The following RFX3 variants were observed in gnomAD, a reference collection of about 807,000 sequenced individuals.
RFX3 encodes the protein regulatory factor X3, also known as transcription factor RFX3.
A neutral mutation model predicts 98.6 loss-of-function variants in RFX3; 14 were observed. The observed-to-expected ratio is 0.14, with a 90% CI of 0.09 to 0.22. The LOEUF is 0.22. Ranked by LOEUF, RFX3 falls within the 10% of genes least tolerant of loss-of-function variation. RFX3 has a pLI of 1.00. For synonymous variants in RFX3, 383 were observed against 328.4 expected (o/e 1.17, Z -1.80); for missense variants, 639 against 926.9 (o/e 0.69, Z 4.03).
chr9:3,302,744 C>G (rs1828814914), intron 4 of RFX3, among the ~76,000 whole-genome samples: 2 of 151,864 alleles, frequency 1.3e-5, no homozygotes, highest in South Asian at 4.2e-4. Flanking sequence ...GCAGTAATAT[C>G]TATAGCAAAG....
At chr9:3,347,471 A>G (rs145208763) in intron 2 of RFX3, among the ~76,000 whole-genome samples, 1 of 152,302 alleles carries the variant, frequency 6.6e-6, no homozygotes, top group East Asian at 1.9e-4. Flanking sequence ...AACCCTATGT[A>G]CTTGTCATCC....
intron 2 of RFX3, among the ~76,000 whole-genome samples, chr9:3,391,079 C>T (rs1840265078): frequency 1.3e-5 from 2 of 152,114 alleles, no homozygotes; most frequent in Non-Finnish European, 2.9e-5. Context: ...AAGTAACTAC[C>T]TTTGACATCA....
chr9:3,308,008 G>C (rs997436154), intron 4 of RFX3, among the ~76,000 whole-genome samples: 2 of 152,074 alleles, frequency 1.3e-5, no homozygotes, highest in Non-Finnish European at 2.9e-5. Flanking sequence ...AATGGGGATA[G>C]TAAACATTCT....
At chr9:3,447,398 A>G (rs1846148157) in intron 1 of RFX3, among the ~76,000 whole-genome samples, 1 of 152,176 alleles carries the variant, frequency 6.6e-6, no homozygotes, top group South Asian at 2.1e-4. Context: ...CCAGCAATGC[A>G]AAAGTTGAGA....
chr9:3,366,693 C>CCTTCCTTTCTTTCTTTCTTTCTTTCTTT (rs1491500921), intron 2 of RFX3, among the ~76,000 whole-genome samples: 9 of 85,452 alleles, frequency 1.1e-4, no homozygotes, highest in Admixed American at 6.4e-4. Flanking sequence ...TTCTTTCTTT[C>CCTTCCTTTCTTTCTTTCTTTCTTTCTTT]CTTTCTTTCT....
intron 7 of RFX3, among the ~76,000 whole-genome samples, chr9:3,278,060 AG>A (rs1317471379): frequency 3.3e-5 from 5 of 151,998 alleles, no homozygotes; most frequent in Non-Finnish European, 7.4e-5. Flanking sequence ...ATCTACAAAC[AG>A]AGTTTATCAA....
At chr9:3,303,941 T>C (rs542921193) in intron 4 of RFX3, among the ~76,000 whole-genome samples, 1 of 152,168 alleles carries the variant, frequency 6.6e-6, no homozygotes, top group East Asian at 1.9e-4. Flanking sequence ...GCTTTAGGAA[T>C]CTTCTGCCTA....
intron 1 of RFX3, among the ~76,000 whole-genome samples, chr9:3,503,645 A>C (rs1486891258): frequency 6.6e-6 from 1 of 152,048 alleles, no homozygotes; most frequent in Non-Finnish European, 1.5e-5. Context: ...AATTCAAGAC[A>C]ATTTGCCTCC....
At chr9:3,244,161 C>A (rs1248051897) in intron 15 of RFX3, among the ~76,000 whole-genome samples, 1 of 151,942 alleles carries the variant, frequency 6.6e-6, no homozygotes, top group Admixed American at 6.6e-5. Context: ...TGCCACCACG[C>A]CCGCCTAATT....
At chr9:3,523,051 A>G (rs1438262070) in intron 1 of RFX3, among the ~76,000 whole-genome samples, 1 of 152,202 alleles carries the variant, frequency 6.6e-6, no homozygotes, top group Non-Finnish European at 1.5e-5. Context: ...AAACTTCTAG[A>G]AATTCATTAG....
At chr9:3,465,458 C>CTTTTTTTTTT (rs34093115) in intron 1 of RFX3, among the ~76,000 whole-genome samples, 1 of 129,686 alleles carries the variant, frequency 7.7e-6, no homozygotes, top group African/African-American at 2.9e-5. Flanking sequence ...GCCCAGGTAA[C>CTTTTTTTTTT]TTTTTTTTTT....
At chr9:3,393,190 G>A (rs1343465970) in intron 2 of RFX3, among the ~76,000 whole-genome samples, 1 of 152,084 alleles carries the variant, frequency 6.6e-6, no homozygotes, top group African/African-American at 2.4e-5. Context: ...TAAATAAATG[G>A]AGGTAAATAT....
At chr9:3,514,358 C>A (rs894260783) in intron 1 of RFX3, among the ~76,000 whole-genome samples, 2 of 152,196 alleles carry the variant, frequency 1.3e-5, no homozygotes, top group Non-Finnish European at 2.9e-5. Flanking sequence ...CATACACATA[C>A]ACAAAACACA....
chr9:3,493,943 G>C (rs1850932021), intron 1 of RFX3, among the ~76,000 whole-genome samples: 1 of 151,614 alleles, frequency 6.6e-6, no homozygotes, highest in South Asian at 2.1e-4. Flanking sequence ...TCCATGTCCT[G>C]CTTTACCTCA....
intron 2 of RFX3, among the ~76,000 whole-genome samples, chr9:3,357,428 T>C (rs1192376100): frequency 6.6e-6 from 1 of 151,996 alleles, no homozygotes; most frequent in Non-Finnish European, 1.5e-5. Flanking sequence ...AAAATAATAT[T>C]TTTATTTTTG....
At position 3,221,219 on chromosome 9, in the gene RFX3, A is replaced by G. The variant is rs1817326034; in HGVS notation, c.*3823T>C. ...TTCCTTTTACACTAATGTTTCAAGC[A>G]CAGCATTATTTTAGACATTTCAAAT... On this transcript the variant is annotated 3_prime_UTR_variant, in exon 17 of 17. Coordinates refer to ENST00000617270, the MANE Select transcript of RFX3 (RefSeq NM_001282116.2). The G allele has an allele frequency of 6.6e-6, 1 of 152,078 alleles. No individual in the cohort carries two copies. The allele number at this position is 152,078 out of a possible 1,614,324, so 9.4% of individuals were successfully genotyped here.
chr9:3,290,310 G>C (rs1827178546), intron 6 of RFX3, among the ~76,000 whole-genome samples: 1 of 151,862 alleles, frequency 6.6e-6, no homozygotes, highest in African/African-American at 2.4e-5. Context: ...CGTACTTACA[G>C]AGTATGGATT....
intron 4 of RFX3, among the ~76,000 whole-genome samples, chr9:3,317,528 T>C (rs971592961): frequency 3.9e-5 from 6 of 152,136 alleles, no homozygotes; most frequent in African/African-American, 1.4e-4. Flanking sequence ...TGGGTTCTAA[T>C]AAAACTAAAG....
intron 1 of RFX3, among the ~76,000 whole-genome samples, chr9:3,436,753 A>G (rs920225827): frequency 3.9e-5 from 6 of 152,066 alleles, no homozygotes; most frequent in Admixed American, 6.6e-5. Context: ...TGGGATAAAA[A>G]TGAACTTGAG....
Sources: gnomAD v4.1 joint callset for allele counts (sites outside exome capture counted in the v4.1 genomes callset) on GRCh38, gnomAD v4.1.1 for gene constraint, MANE v1.5 for transcripts, NCBI Gene and HGNC (gene_info 2026-07-23, HGNC 2026-07-21) for gene names.